Variants in SARNP observed in about 807,000 individuals in gnomAD.
SARNP encodes the protein SAP domain containing ribonucleoprotein.
Under a neutral mutation model 38.1 loss-of-function variants are expected in SARNP, and 5 were observed. The ratio of observed to expected loss-of-function variants is 0.13; its 90% CI spans 0.07 to 0.28. The LOEUF (loss-of-function observed/expected upper bound fraction) is 0.28. SARNP is among the 10% of genes least tolerant of loss of function. The pLI is 1.00. For synonymous variants in SARNP, 84 were observed against 80.6 expected, an observed-to-expected ratio of 1.04 and a Z score of -0.23; for missense variants, 180 against 243.9, an observed-to-expected ratio of 0.74 and a Z score of 1.75.
chr12:55,792,003 T>C (rs1467884088), intron 7 of SARNP, among the ~76,000 whole-genome samples: 1 of 152,074 alleles, frequency 6.6e-6, no homozygotes, highest in Non-Finnish European at 1.5e-5. Flanking sequence ...CTTGCACCTG[T>C]AGTCCCAGTT....
chr12:55,764,129 C>T (rs1302968119), intron 9 of SARNP, among the ~76,000 whole-genome samples: 2 of 152,192 alleles, frequency 1.3e-5, no homozygotes, highest in Non-Finnish European at 2.9e-5. Flanking sequence ...GTAACAGTAT[C>T]TAGGAAAAGG....
chr12:55,763,679 C>T (rs1281738701), intron 9 of SARNP, among the ~76,000 whole-genome samples: 3 of 152,146 alleles, frequency 2.0e-5, no homozygotes, highest in Non-Finnish European at 4.4e-5. Context: ...TCTTGAACTC[C>T]TGGGCTCAAT....
At chr12:55,807,067 T>A (rs1880168609) in intron 1 of SARNP, among the ~76,000 whole-genome samples, 1 of 152,160 alleles carries the variant, frequency 6.6e-6, no homozygotes, top group African/African-American at 2.4e-5. Flanking sequence ...GGACTACAGG[T>A]ACACACCACT....
intron 10 of SARNP, among the ~76,000 whole-genome samples, chr12:55,759,136 T>C (rs934445813): frequency 6.6e-6 from 1 of 152,074 alleles, no homozygotes; most frequent in Admixed American, 6.6e-5. Flanking sequence ...CCCACACTGC[T>C]CTCCTAAAGT....
intron 9 of SARNP, among the ~76,000 whole-genome samples, chr12:55,776,809 T>G (rs1033935189): frequency 1.3e-5 from 2 of 152,154 alleles, no homozygotes; most frequent in Non-Finnish European, 2.9e-5. Context: ...GAGTGGTACT[T>G]TCAAAAGAAA....
intron 5 of SARNP, 77 bp from the exon 6 acceptor site, chr12:55,794,957 T>TAAAAA (rs373511418): frequency 1.7e-4 from 25 of 145,426 alleles, no homozygotes; most frequent in Admixed American, 1.1e-3. Context: ...TAGGTATCTT[T>TAAAAA]AAAAAAAAAA....
chr12:55,800,721 T>A lies in SARNP; in HGVS notation c.184-92A>T, dbSNP rs112792068. The A allele has an allele frequency of 3.9e-6, 5 of 1,287,922 alleles. No homozygotes were observed. The African/African-American group carries it at 7.4e-5, about 19-fold the overall frequency. 79.8% of individuals were successfully genotyped at this position (1,287,922 alleles called of 1,614,324 possible). A position where few individuals can be genotyped will look rare whatever the true frequency, so the allele number is the denominator to read the frequency against. ...ATCAGAACTCCAAAATAAACCAGTC[T>A]CTCAGAACCTTCATACCCATCTTAT... On this transcript the variant is annotated intron_variant, in intron 3 of 10. Transcript: ENST00000336133.
intron 9 of SARNP, among the ~76,000 whole-genome samples, chr12:55,773,411 A>T (rs1416557810): frequency 6.6e-6 from 1 of 152,234 alleles, no homozygotes; most frequent in Non-Finnish European, 1.5e-5. Flanking sequence ...TCCTACAAAA[A>T]CTATTTCAGC....
intron 1 of SARNP, among the ~76,000 whole-genome samples, chr12:55,809,292 A>C (rs1049739013): frequency 6.6e-6 from 1 of 152,052 alleles, no homozygotes; most frequent in Non-Finnish European, 1.5e-5. Flanking sequence ...TGAAAAAAAA[A>C]AATTAGCCGA....
At chr12:55,810,940 G>T (rs1466558477) in intron 1 of SARNP, among the ~76,000 whole-genome samples, 1 of 152,016 alleles carries the variant, frequency 6.6e-6, no homozygotes, top group African/African-American at 2.4e-5. Flanking sequence ...AGCCAGACGT[G>T]GTGGCAGGCA....
chr12:55,753,365 A>G (rs1490206436), downstream of SARNP: 2 of 152,218 alleles, frequency 1.3e-5, no homozygotes, highest in African/African-American at 4.8e-5. Flanking sequence ...AGCATCTCAA[A>G]TATTCTTTCA....
At chr12:55,813,842 C>A (rs1880405222) in intron 1 of SARNP, among the ~76,000 whole-genome samples, 1 of 152,148 alleles carries the variant, frequency 6.6e-6, no homozygotes, top group Non-Finnish European at 1.5e-5. Context: ...CTGCACCCAG[C>A]CTGCTTGGAT....
chr12:55,787,241 T>TAAAAAAAAAAAAAAAAAAAA (rs4016515), intron 9 of SARNP, among the ~76,000 whole-genome samples: 1 of 103,454 alleles, frequency 9.7e-6, no homozygotes, highest in Non-Finnish European at 2.2e-5. Context: ...CAAAAAAGAC[T>TAAAAAAAAAAAAAAAAAAAA]AAAAAAAAAA....
At chr12:55,768,053 T>C (rs1173132353) in intron 9 of SARNP, among the ~76,000 whole-genome samples, 2 of 152,084 alleles carry the variant, frequency 1.3e-5, no homozygotes, top group Non-Finnish European at 2.9e-5. Context: ...GGAAGAACAG[T>C]TACTGGACAA....
intron 10 of SARNP, among the ~76,000 whole-genome samples, chr12:55,759,681 T>C (rs990995510): frequency 6.6e-6 from 1 of 152,230 alleles, no homozygotes; most frequent in Non-Finnish European, 1.5e-5. Context: ...CCTCAGGTAA[T>C]CTGCCTGCCT....
At chr12:55,762,310 T>A (rs896160958) in intron 9 of SARNP, among the ~76,000 whole-genome samples, 1 of 151,606 alleles carries the variant, frequency 6.6e-6, no homozygotes, top group Non-Finnish European at 1.5e-5. Flanking sequence ...ACAAACTTTT[T>A]TTTTTTTTTT....
intron 7 of SARNP, among the ~76,000 whole-genome samples, chr12:55,791,362 T>C (rs1221904635): frequency 1.3e-5 from 2 of 152,212 alleles, no homozygotes; most frequent in South Asian, 4.1e-4. Flanking sequence ...AAAAAAGAGA[T>C]CACATCTGGA....
At chr12:55,810,644 G>A (rs916805987) in intron 1 of SARNP, among the ~76,000 whole-genome samples, 6 of 151,670 alleles carry the variant, frequency 4.0e-5, no homozygotes, top group African/African-American at 1.5e-4. Context: ...GAAGAGATGG[G>A]ATTTCACCAT....
At chr12:55,813,612 T>C (rs1262303247) in intron 1 of SARNP, among the ~76,000 whole-genome samples, 1 of 145,560 alleles carries the variant, frequency 6.9e-6, no homozygotes, top group African/African-American at 2.5e-5. Context: ...TGGTGCCATA[T>C]CGGCTCACCG....
Sources: gnomAD v4.1 joint callset for allele counts (sites outside exome capture counted in the v4.1 genomes callset) on GRCh38, gnomAD v4.1.1 for gene constraint, MANE v1.5 for transcripts, NCBI Gene and HGNC (gene_info 2026-07-23, HGNC 2026-07-21) for gene names.